Variants in SLC47A1 observed in about 807,000 individuals in gnomAD.
SLC47A1 encodes multidrug and toxin extrusion protein 1.
In SLC47A1, 58 loss-of-function variants were observed where a neutral mutation model predicts 65.8. The observed-to-expected ratio is 0.88, with a 90% CI of 0.71 to 1.10. The LOEUF (loss-of-function observed/expected upper bound fraction) is 1.10. Among genes scored for constraint, SLC47A1 ranks in the 50% least tolerant of loss-of-function variants. SLC47A1 has a pLI of 0.00. For synonymous variants in SLC47A1, 285 were observed against 295.0 expected (o/e 0.97, Z 0.35); for missense variants, 706 against 719.2 (o/e 0.98, Z 0.21).
At chr17:19,542,054 G>A (rs1211881103) in intron 1 of SLC47A1, among the ~76,000 whole-genome samples, 2 of 152,146 alleles carry the variant, frequency 1.3e-5, no homozygotes, top group African/African-American at 2.4e-5. Flanking sequence ...GAACCTGGGA[G>A]GCGGAGGTTG....
intron 10 of SLC47A1, among the ~76,000 whole-genome samples, chr17:19,556,320 C>T (rs1294243888): frequency 2.0e-5 from 3 of 152,118 alleles, no homozygotes; most frequent in African/African-American, 7.2e-5. Flanking sequence ...CTGAATCTTC[C>T]CTTGAAAGAT....
At position 19,555,863 on chromosome 17, in the gene SLC47A1, G is replaced by A. The variant is rs753982368; in HGVS notation, c.807G>A (p.Met269Ile). 6 of 1,613,922 alleles carry A rather than the reference G, an allele frequency of 3.7e-6. No homozygotes were observed. The highest frequency in any genetic ancestry group is 5.1e-6 in the Non-Finnish European group (6 of 1,180,032). Residue 269 changes from methionine (M) to isoleucine (I), a missense_variant, in exon 9 of 17, where the codon ATG becomes ATA. By Grantham distance (10) the Met-to-Ile change is conservative. Coordinates refer to ENST00000270570, the MANE Select transcript of SLC47A1 (RefSeq NM_018242.3). ...FLRLAIPSMLMLCMEWWAYEV... is the reference protein window; with the variant it reads ...FLRLAIPSMLILCMEWWAYEV... ...GCCTGGCCATCCCCAGCATGCTCAT[G>A]CTGTGCATGGAGTGGTGGGCCTATG...
chr17:19,538,038 T>C (rs1253856022), intron 1 of SLC47A1, among the ~76,000 whole-genome samples: 1 of 152,252 alleles, frequency 6.6e-6, no homozygotes, highest in East Asian at 1.9e-4. Flanking sequence ...TTTGAACATC[T>C]TTCCCTATTC....
intron 2 of SLC47A1, 111 bp downstream of exon 2, chr17:19,542,605 CT>C: frequency 1.1e-6 from 1 of 878,590 alleles, no homozygotes; most frequent in Non-Finnish European, 1.7e-6. Flanking sequence ...GACTTATTCT[CT>C]TACAGTGCTG....
chr17:19,561,227 CA>C (rs1429601489), intron 12 of SLC47A1, among the ~76,000 whole-genome samples: 1 of 152,074 alleles, frequency 6.6e-6, no homozygotes, highest in African/African-American at 2.4e-5. Context: ...CACTGCACTC[CA>C]GCCTGGGTGA....
chr17:19,567,851 GC>G (rs2084372203), intron 14 of SLC47A1: 1 of 152,922 alleles, frequency 6.5e-6, no homozygotes, highest in Non-Finnish European at 1.5e-5. Context: ...TTAGCTCTGT[GC>G]CCCCACAGAG....
chr17:19,562,776 C>T (rs1043738741), intron 12 of SLC47A1, among the ~76,000 whole-genome samples: 1 of 151,974 alleles, frequency 6.6e-6, no homozygotes, highest in African/African-American at 2.4e-5. Flanking sequence ...AAACAAGAGG[C>T]CCACAAACTA....
intron 2 of SLC47A1, among the ~76,000 whole-genome samples, chr17:19,544,653 C>G (rs1430097710): frequency 6.6e-6 from 1 of 152,244 alleles, no homozygotes; most frequent in African/African-American, 2.4e-5. Flanking sequence ...CAGACCGCCT[C>G]TGCACTCCCA....
rs115455402 is a variant in SLC47A1 at position 19,552,748 on chromosome 17, A to C, written c.543+1280A>C. Among the ~76,000 whole-genome samples, 1,291 of 152,238 alleles carry C rather than the reference A, an allele frequency of 8.5e-3. 16 individuals carry two copies. Among genetic ancestry groups the C allele is most frequent in the African/African-American group, 0.029 (1,222 of 41,558 alleles). ...TGGGAAGGAAGGCAGGGGATCCTAG[A>C]CAGAGGTGCAGCAGAGCCTGTTCCT... is the stretch of plus-strand genomic sequence containing the variant. On this transcript the variant is annotated intron_variant, in intron 6 of 16. Coordinates refer to ENST00000270570, the MANE Select transcript of SLC47A1 (RefSeq NM_018242.3).
At chr17:19,575,680 G>A (rs1326626458) in intron 16 of SLC47A1, among the ~76,000 whole-genome samples, 2 of 152,142 alleles carry the variant, frequency 1.3e-5, no homozygotes, top group African/African-American at 4.8e-5. Context: ...GATTACAGGT[G>A]TGAACCACCA....
At chr17:19,545,807 A>G (rs1424525989) in intron 2 of SLC47A1, among the ~76,000 whole-genome samples, 1 of 152,152 alleles carries the variant, frequency 6.6e-6, no homozygotes, top group Non-Finnish European at 1.5e-5. Context: ...CTTAAACAAT[A>G]GCCTTATCAT....
At chr17:19,569,575 G>T (rs2084384566) in intron 14 of SLC47A1, among the ~76,000 whole-genome samples, 1 of 152,160 alleles carries the variant, frequency 6.6e-6, no homozygotes, top group Non-Finnish European at 1.5e-5. Flanking sequence ...CCTATACAAG[G>T]TGTCTAGGAG....
intron 6 of SLC47A1, among the ~76,000 whole-genome samples, chr17:19,552,534 A>T (rs995550189): frequency 1.2e-4 from 18 of 152,036 alleles, no homozygotes; most frequent in African/African-American, 4.1e-4. Context: ...CTTCTCCTGG[A>T]CTCAGTCCCC....
intron 16 of SLC47A1, among the ~76,000 whole-genome samples, chr17:19,575,401 CT>C (rs1215041320): frequency 0.015 from 2,041 of 137,026 alleles, 32 homozygotes; most frequent in African/African-American, 0.039. Flanking sequence ...ATTATTATTC[CT>C]TTTTTTTTTT....
At chr17:19,546,602 C>A in intron 3 of SLC47A1, 99 bp downstream of exon 3, 3 of 1,094,494 alleles carry the variant, frequency 2.7e-6, no homozygotes, top group Non-Finnish European at 4.1e-6. Context: ...GCAGCCAGCA[C>A]TTGCAGCACC....
intron 16 of SLC47A1, 43 bp downstream of exon 16, chr17:19,572,904 TAGGACTGGAGGGG>T (rs781696498): frequency 7.3e-5 from 115 of 1,565,840 alleles, no homozygotes; most frequent in Non-Finnish European, 2.3e-5. Context: ...CCTGTCTAGG[TAGGACTGGAGGGG>T]CTGTTAGTGA....
At chr17:19,560,343 C>CA (rs2084299169) in intron 11 of SLC47A1, 47 bp downstream of exon 11, 4 of 1,608,630 alleles carry the variant, frequency 2.5e-6, no homozygotes, top group Non-Finnish European at 3.4e-6. Flanking sequence ...TCTCTGCATG[C>CA]AAAACCCAGG....
At chr17:19,561,786 T>G (rs1200000726) in intron 12 of SLC47A1, among the ~76,000 whole-genome samples, 1 of 152,232 alleles carries the variant, frequency 6.6e-6, no homozygotes, top group Non-Finnish European at 1.5e-5. Flanking sequence ...TCATGTATTT[T>G]AAAGGTGGAA....
At position 19,555,309 on chromosome 17, in the gene SLC47A1, T is replaced by C. The variant is rs1354731235; in HGVS notation, c.641T>C (p.Ile214Thr). 2 of 1,614,168 alleles carry C rather than the reference T, an allele frequency of 1.2e-6. No homozygotes were observed. Among genetic ancestry groups the C allele is most frequent in the Non-Finnish European group, 1.7e-6 (2 of 1,179,988 alleles). ...CTCCATCAACTGCATCTTGGGGTGATGTGAGTCCAACATACTCTTGGGACA... is the reference window on the plus strand; with the variant it reads ...CTCCATCAACTGCATCTTGGGGTGACGTGAGTCCAACATACTCTTGGGACA... ...LFLHQLHLGV[I>T]GSALANLISQ... is the part of the protein sequence containing the mutation. Residue 214 changes from isoleucine (I) to threonine (T), a missense_variant and splice_region_variant, in exon 7 of 17, where the codon ATA (isoleucine) becomes ACA (threonine). Ile to Thr is a moderately conservative substitution (Grantham distance 89, BLOSUM62 -1). Transcript: ENST00000270570.
Sources: allele counts gnomAD v4.1 joint callset (sites outside exome capture counted in the v4.1 genomes callset), GRCh38; gene constraint gnomAD v4.1.1; transcripts MANE v1.5; gene names NCBI Gene and HGNC (gene_info 2026-07-23, HGNC 2026-07-21).